The following PDE1A variants were observed in gnomAD, a reference collection of about 807,000 sequenced individuals.
PDE1A encodes dual specificity calcium/calmodulin-dependent 3',5'-cyclic nucleotide phosphodiesterase 1A.
PDE1A carries 35 observed loss-of-function variants against 61.7 expected under a neutral mutation model. The observed-to-expected ratio is 0.57, with a 90% CI of 0.43 to 0.75. The LOEUF is 0.75. PDE1A is among the 30% of genes least tolerant of loss of function. The probability of loss-of-function intolerance (pLI) is 0.00; values close to 1 mark genes in which losing one functional copy is unlikely to be tolerated. For missense variants in PDE1A, 597 were observed against 630.6 expected (o/e 0.95, Z 0.57); for synonymous variants, 232 against 213.2 (o/e 1.09, Z -0.77).
At chr2:182,656,613 A>T in the PDE1A span, among the ~76,000 whole-genome samples, 1 of 152,200 alleles carries the variant, frequency 6.6e-6, no homozygotes, top group Non-Finnish European at 1.5e-5. Context: ...ATGTCCTTTT[A>T]CTTAGTCTTC....
chr2:182,418,353 G>A (rs114449718), intron 1 of PDE1A, among the ~76,000 whole-genome samples: 1,586 of 152,228 alleles, frequency 0.01, 30 homozygotes, highest in African/African-American at 0.036. Flanking sequence ...TAGGTGAAAC[G>A]TTTTTACTTT....
Position 182,451,144 on chromosome 2 carries a change from C to T in PDE1A, c.101+71132G>A, listed in dbSNP as rs1291620411. Among the ~76,000 whole-genome samples, 2 of 18,552 alleles carry T rather than the reference C, an allele frequency of 1.1e-4. 1 individual carries two copies. Among genetic ancestry groups the T allele is most frequent in the African/African-American group, 3.8e-4 (2 of 5,238 alleles). The allele number at this position is 18,552 out of a possible 152,430, so 12.2% of individuals were successfully genotyped here. On this transcript the variant is annotated intron_variant, in intron 2 of 14. Transcript: ENST00000410103. Reference sequence around the variant, plus strand: ...CTGTAATCCCAGCACTTTGGGAGGCCGAGGCGGGCGGATCACGAAGTCAGG... The same window carrying T: ...CTGTAATCCCAGCACTTTGGGAGGCTGAGGCGGGCGGATCACGAAGTCAGG...
chr2:182,504,288 G>A (rs1011946984), intron 2 of PDE1A, among the ~76,000 whole-genome samples: 2 of 152,136 alleles, frequency 1.3e-5, no homozygotes, highest in Non-Finnish European at 2.9e-5. Context: ...TCCAAGGTGC[G>A]CTAAAGTGAT....
chr2:182,333,946 A>G (rs1697601437), intron 1 of PDE1A, among the ~76,000 whole-genome samples: 1 of 152,214 alleles, frequency 6.6e-6, no homozygotes, highest in Admixed American at 6.5e-5. Flanking sequence ...AGAATACTAT[A>G]AACACCTCTA....
the PDE1A span, among the ~76,000 whole-genome samples, chr2:182,676,596 G>C: frequency 3.9e-5 from 6 of 152,022 alleles, no homozygotes; most frequent in Non-Finnish European, 8.8e-5. Context: ...ACCAAAATCT[G>C]ACAAAGACAC....
chr2:182,284,012 T>C (rs1693996313), intron 1 of PDE1A, among the ~76,000 whole-genome samples: 1 of 152,106 alleles, frequency 6.6e-6, no homozygotes, highest in Non-Finnish European at 1.5e-5. Context: ...ATACCTTCTT[T>C]TTCTCTGGGA....
chr2:182,623,322 T>C, the PDE1A span, among the ~76,000 whole-genome samples: 3 of 152,180 alleles, frequency 2.0e-5, no homozygotes, highest in Non-Finnish European at 4.4e-5. Context: ...AAAGACATAG[T>C]ACACTTCTCT....
intron 2 of PDE1A, among the ~76,000 whole-genome samples, chr2:182,505,352 A>G (rs1265033453): frequency 1.3e-5 from 2 of 152,212 alleles, no homozygotes; most frequent in African/African-American, 4.8e-5. Context: ...GTAGTTATCT[A>G]GAGTCGACTT....
chr2:182,362,712 C>T (rs1699578701), intron 1 of PDE1A, among the ~76,000 whole-genome samples: 1 of 152,012 alleles, frequency 6.6e-6, no homozygotes, highest in Admixed American at 6.6e-5. Flanking sequence ...AATCCCATTA[C>T]TGGGTATATA....
rs372736750 is a variant in PDE1A, at chr2:182,308,897, T to C, written c.54-44483A>G. On this transcript the variant is annotated intron_variant, in intron 1 of 13. Transcript: ENST00000351439. The stretch of plus-strand genomic sequence containing the variant: ...CATACAAGCTGAGAATTCTGCTATG[T>C]TTATTTTTCCTTTTTAAATTGGAAT... 2.5e-4 allele frequency among the ~76,000 whole-genome samples: 38 copies of C among 152,202 alleles called. No individual in the cohort carries two copies. In the South Asian group the frequency reaches 6.8e-3, roughly 27 times the overall value.
chr2:182,635,435 A>G, the PDE1A span, among the ~76,000 whole-genome samples: 2 of 152,032 alleles, frequency 1.3e-5, no homozygotes, highest in African/African-American at 4.8e-5. Flanking sequence ...TTTGTTTAAT[A>G]TACCTTAGAA....
At chr2:182,541,505 G>A in the PDE1A span, among the ~76,000 whole-genome samples, 1 of 152,042 alleles carries the variant, frequency 6.6e-6, no homozygotes, top group Non-Finnish European at 1.5e-5. Flanking sequence ...GTTGTCATGA[G>A]GTTTCAGAGA....
intron 6 of PDE1A, among the ~76,000 whole-genome samples, chr2:182,228,978 A>G (rs982846712): frequency 6.6e-6 from 1 of 152,162 alleles, no homozygotes; most frequent in Non-Finnish European, 1.5e-5. Context: ...AGGCTGGGCC[A>G]AATTCCCTAG....
At chr2:182,635,680 C>T in the PDE1A span, among the ~76,000 whole-genome samples, 1 of 124,840 alleles carries the variant, frequency 8.0e-6, no homozygotes, top group African/African-American at 2.9e-5. Context: ...ATCTATCTCT[C>T]TCTCTCTCTC....
the PDE1A span, among the ~76,000 whole-genome samples, chr2:182,549,254 G>A: frequency 6.6e-6 from 1 of 151,502 alleles, no homozygotes; most frequent in African/African-American, 2.4e-5. Flanking sequence ...ATGTTTCATA[G>A]AAGATAAAGT....
chr2:182,481,670 G>A (rs1353763245), intron 2 of PDE1A, among the ~76,000 whole-genome samples: 1 of 151,930 alleles, frequency 6.6e-6, no homozygotes, highest in Non-Finnish European at 1.5e-5. Flanking sequence ...GTGACTGAGG[G>A]TGTCCTGGAA....
intron 1 of PDE1A, among the ~76,000 whole-genome samples, chr2:182,413,234 C>T (rs1430956389): frequency 6.6e-6 from 1 of 151,916 alleles, no homozygotes. Flanking sequence ...AAATAAAGGG[C>T]CATGGCAAAT....
intron 7 of PDE1A, among the ~76,000 whole-genome samples, chr2:182,208,894 T>C (rs1265401690): frequency 6.6e-6 from 1 of 152,220 alleles, no homozygotes; most frequent in African/African-American, 2.4e-5. Flanking sequence ...ATCTCGGAAG[T>C]AACTAACTTG....
chr2:182,652,622 CT>C, the PDE1A span, among the ~76,000 whole-genome samples: 19 of 152,266 alleles, frequency 1.2e-4, no homozygotes, highest in Non-Finnish European at 2.2e-4. Flanking sequence ...CAGTCCACCC[CT>C]GGTACCATTG....
Sources: allele counts gnomAD v4.1 joint callset (sites outside exome capture counted in the v4.1 genomes callset), GRCh38; gene constraint gnomAD v4.1.1; transcripts MANE v1.5; gene names NCBI Gene and HGNC (gene_info 2026-07-23, HGNC 2026-07-21).